GRHL3: variants seen among roughly 807,000 people sequenced by gnomAD.
The protein encoded by GRHL3 is grainyhead like transcription factor 3.
A neutral mutation model predicts 70.3 loss-of-function variants in GRHL3; 20 were observed. The ratio of observed to expected loss-of-function variants is 0.28; its 90% CI spans 0.20 to 0.41. GRHL3 has a LOEUF of 0.41. GRHL3 is among the 10% of genes least tolerant of loss of function. GRHL3 has a pLI of 1.00. For missense variants in GRHL3, 637 were observed against 762.3 expected, an observed-to-expected ratio of 0.84 and a Z score of 1.94; for synonymous variants, 299 against 299.9, an observed-to-expected ratio of 1.00 and a Z score of 0.03.
intron 1 of GRHL3, chr1:24,320,049 T>G: frequency 5.6e-6 from 1 of 177,602 alleles, no homozygotes; most frequent in East Asian, 1.3e-4. Flanking sequence ...TGGTTAAGCA[T>G]GTGTACTCTT....
intron 5 of GRHL3, 99 bp from the exon 6 acceptor site, chr1:24,337,537 C>A: frequency 1.6e-6 from 2 of 1,265,208 alleles, no homozygotes; most frequent in South Asian, 1.4e-5. Context: ...GGTCAAACAG[C>A]AAGTCTGTAA....
At chr1:24,341,511 C>A (rs1177260612) in intron 8 of GRHL3, among the ~76,000 whole-genome samples, 1 of 152,206 alleles carries the variant, frequency 6.6e-6, no homozygotes, top group Non-Finnish European at 1.5e-5. Flanking sequence ...TATAGCCCTG[C>A]TCAGAGCATC....
chr1:24,319,661 G>A (rs1326802905), intron 1 of GRHL3, 93 bp downstream of exon 1: 21 of 1,609,480 alleles, frequency 1.3e-5, no homozygotes, highest in Non-Finnish European at 1.7e-5. Context: ...CCGGCACCGG[G>A]ATTCACAGAG....
Position 24,336,535 on chromosome 1 carries a change from C to T in GRHL3, c.320C>T (p.Thr107Ile). The T allele has an allele frequency of 1.9e-6, 3 of 1,612,862 alleles. No homozygotes were observed. Among genetic ancestry groups the T allele is most frequent in the Non-Finnish European group, 2.5e-6 (3 of 1,179,334 alleles). The change falls in exon 4 of 16, where the codon ACA (threonine) becomes ATA (isoleucine). Residue 107 changes from threonine to isoleucine, a missense_variant. Thr to Ile is a moderately conservative substitution (Grantham distance 89). Transcript: ENST00000361548. Reference protein sequence around the residue: ...ETDLTPLESPTHLMKFLTENV... With the variant: ...ETDLTPLESPIHLMKFLTENV... ...GACCTCACTCCCCTTGAAAGCCCCA[C>T]ACACCTCATGAAATTCCTGACAGAG...
intron 1 of GRHL3, among the ~76,000 whole-genome samples, chr1:24,329,275 C>T (rs986179294): frequency 6.6e-6 from 1 of 152,192 alleles, no homozygotes; most frequent in African/African-American, 2.4e-5. Flanking sequence ...GCTGCCGCCT[C>T]CTGTATGCTG....
chr1:24,345,770 T>C (rs1329731376), intron 12 of GRHL3, among the ~76,000 whole-genome samples: 2 of 152,216 alleles, frequency 1.3e-5, no homozygotes, highest in Non-Finnish European at 2.9e-5. Flanking sequence ...TTCACCTCTC[T>C]GAGCCTCAGC....
At chr1:24,332,494 T>G (rs1009284174) in intron 2 of GRHL3, among the ~76,000 whole-genome samples, 1 of 152,196 alleles carries the variant, frequency 6.6e-6, no homozygotes, top group Non-Finnish European at 1.5e-5. Context: ...TAGACATTGC[T>G]AATGGATTGC....
At chr1:24,339,847 T>C in intron 8 of GRHL3, 85 bp downstream of exon 8, 1 of 807,472 alleles carries the variant, frequency 1.2e-6, no homozygotes. Context: ...GCACCTAGGA[T>C]AGTGTCATTT....
chr1:24,344,953 C>A (rs200077173), intron 12 of GRHL3, 22 bp downstream of exon 12: 7 of 1,611,800 alleles, frequency 4.3e-6, no homozygotes, highest in Non-Finnish European at 5.9e-6. Flanking sequence ...AACAACCACA[C>A]GCCTCCCTCC....
Position 24,321,973 on chromosome 1 carries a change from C to G in GRHL3, c.17+2405C>G, listed in dbSNP as rs1489508426. On this transcript the variant is annotated intron_variant, in intron 1 of 15. Coordinates refer to ENST00000361548, the MANE Select transcript of GRHL3 (RefSeq NM_198173.3). This position sits in a 1 kb window ranked among gnomAD's most constrained non-coding sequence, Gnocchi z 4.0. ...AAGTCGCCGCCGACCGCCTGGGTCT[C>G]GCAGGAAAACAGCCGGCGCCCGCGA... 6.6e-6 allele frequency: 1 copy of G among 152,098 alleles called. No homozygotes were observed. Among genetic ancestry groups the G allele is most frequent in the Non-Finnish European group, 1.5e-5 (1 of 68,010 alleles). 9.4% of individuals were successfully genotyped at this position (152,098 alleles called of 1,614,324 possible).
At chr1:24,331,351 C>T (rs1277632867) in intron 1 of GRHL3, 75 bp from the exon 2 acceptor site, 45 of 1,326,626 alleles carry the variant, frequency 3.4e-5, no homozygotes, top group Middle Eastern at 1.9e-4. Flanking sequence ...AATTCCTGGG[C>T]GTTGGCCTGC....
chr1:24,339,023 ACTG>A (rs958785836), intron 7 of GRHL3, among the ~76,000 whole-genome samples: 5 of 152,166 alleles, frequency 3.3e-5, no homozygotes, highest in African/African-American at 1.2e-4. Context: ...TTATTACCAT[ACTG>A]CTGCTGCTGC....
At chr1:24,349,515 G>A (rs969176042) in intron 14 of GRHL3, among the ~76,000 whole-genome samples, 1 of 152,192 alleles carries the variant, frequency 6.6e-6, no homozygotes, top group Non-Finnish European at 1.5e-5. Context: ...CGCGCCAGGA[G>A]CTGTCTTAAG....
rs1487275553 is a variant in GRHL3, at chr1:24,319,643, C to T, written c.17+75C>T. On this transcript the variant is annotated intron_variant, in intron 1 of 15. Transcript: ENST00000361548. ...ATGGGGTTTCCTGGAGGGGGAAGAG[C>T]GGGGAGGCCGGCACCGGGATTCACA... 1.1e-5 allele frequency: 18 copies of T among 1,611,582 alleles called. No homozygotes were observed. The Admixed American group carries it at 1.2e-4, about 10-fold the overall frequency.
intron 12 of GRHL3, among the ~76,000 whole-genome samples, chr1:24,346,075 G>T (rs572634402): frequency 8.6e-5 from 13 of 152,032 alleles, no homozygotes; most frequent in Non-Finnish European, 4.4e-5. Flanking sequence ...ACCGCAGCAG[G>T]ACTGGACCCC....
In GRHL3 at chr1:24,347,452, G is replaced by A; in HGVS notation, c.1544-16G>A. ...ACATTATCTTCCTTGCACTCAAGCT[G>A]GCCCTTGCTTTTCAGTTCTGCTGTA... On this transcript the variant is annotated splice_polypyrimidine_tract_variant and intron_variant, in intron 13 of 15. Transcript: ENST00000361548. 3.1e-6 allele frequency: 5 copies of A among 1,608,654 alleles called. No individual in the cohort carries two copies. The highest frequency in any genetic ancestry group is 4.3e-6 in the Non-Finnish European group (5 of 1,174,964).
chr1:24,363,613 T>C (rs1641263995), intron 15 of GRHL3, among the ~76,000 whole-genome samples: 1 of 152,142 alleles, frequency 6.6e-6, no homozygotes, highest in South Asian at 2.1e-4. Flanking sequence ...CCCAGATTGT[T>C]AGGAAGATTG....
Position 24,331,483 on chromosome 1 carries a change from C to A in GRHL3, c.75C>A (p.Tyr25Ter). 1 of 1,614,072 alleles carries A rather than the reference C, an allele frequency of 6.2e-7. No homozygotes were observed. The highest frequency in any genetic ancestry group is 8.5e-7 in the Non-Finnish European group (1 of 1,179,954). Residue 25 changes from tyrosine (Y) to a stop codon, truncating the protein, a stop_gained, in exon 2 of 16, where the codon TAC becomes TAA. Transcript: ENST00000361548. LOFTEE classifies it high-confidence loss of function. ...CAGTCAACTTGCAGAAATTCTCTTA[C>A]ACTAGTGAGGATGAGGCCTGGAAGA... is the stretch of plus-strand genomic sequence containing the variant. The part of the protein sequence containing the change: ...NDPVNLQKFS[Y>*]TSEDEAWKTY...
chr1:24,341,709 C>T (rs1640046892), intron 8 of GRHL3, among the ~76,000 whole-genome samples: 1 of 152,132 alleles, frequency 6.6e-6, no homozygotes, highest in African/African-American at 2.4e-5. Flanking sequence ...ACAGGGGACT[C>T]AGCCCTTTTC....
Sources: gnomAD v4.1 joint callset for allele counts (sites outside exome capture counted in the v4.1 genomes callset) on GRCh38, gnomAD v4.1.1 for gene constraint, Gnocchi (gnomAD v3.1) non-coding constraint, MANE v1.5 for transcripts, NCBI Gene and HGNC (gene_info 2026-07-23, HGNC 2026-07-21) for gene names.